Variants in THSD7A observed in about 807,000 individuals in gnomAD.
THSD7A encodes the protein thrombospondin type-1 domain-containing protein 7A.
THSD7A carries 96 observed loss-of-function variants against 231.3 expected under a neutral mutation model. The observed-to-expected ratio is 0.41, with a 90% CI of 0.35 to 0.49. The LOEUF is 0.49. Among genes scored for constraint, THSD7A ranks in the 20% least tolerant of loss-of-function variants. The pLI is 0.05. For synonymous variants in THSD7A, 940 were observed against 743.3 expected (o/e 1.26, Z -4.30); for missense variants, 2,290 against 2,070.2 (o/e 1.11, Z -2.06).
intron 1 of THSD7A, among the ~76,000 whole-genome samples, chr7:11,681,820 A>G (rs1783882340): frequency 6.6e-6 from 1 of 151,800 alleles, no homozygotes; most frequent in Admixed American, 6.6e-5. Context: ...AGAATTTCCA[A>G]TTTCAAATGA....
rs1020210258 is a variant in THSD7A at position 11,446,522 on chromosome 7, G to A, written c.2801-198C>T. Reference sequence around the variant, plus strand: ...CTGTTGGTATTGGGTGCTTTGCATAGTAAAATTTGTATTATTTTTTCAGAA... The same window carrying A: ...CTGTTGGTATTGGGTGCTTTGCATAATAAAATTTGTATTATTTTTTCAGAA... On this transcript the variant is annotated intron_variant, in intron 12 of 27. Coordinates refer to ENST00000423059, the MANE Select transcript of THSD7A (RefSeq NM_015204.3). This position sits in a 1 kb window ranked among gnomAD's most constrained non-coding sequence, Gnocchi z 4.0. Among the ~76,000 whole-genome samples, 6 of 152,022 alleles carry A rather than the reference G, an allele frequency of 3.9e-5. No homozygotes were observed. Among genetic ancestry groups the A allele is most frequent in the Non-Finnish European group, 8.8e-5 (6 of 68,004 alleles).
intron 1 of THSD7A, among the ~76,000 whole-genome samples, chr7:11,668,016 G>A (rs73676071): frequency 1.1e-3 from 162 of 152,308 alleles, no homozygotes; most frequent in African/African-American, 3.5e-3. Flanking sequence ...CCAGAAAGCT[G>A]AAGTGGTATT....
At chr7:11,575,086 T>C (rs760037026) in intron 4 of THSD7A, among the ~76,000 whole-genome samples, 10 of 152,132 alleles carry the variant, frequency 6.6e-5, no homozygotes, top group Non-Finnish European at 1.3e-4. Flanking sequence ...ATAGTGAGGG[T>C]CTCATAAGTA....
At chr7:11,530,249 G>C (rs138181332) in intron 6 of THSD7A, among the ~76,000 whole-genome samples, 103 of 152,240 alleles carry the variant, frequency 6.8e-4, no homozygotes, top group African/African-American at 2.3e-3. Context: ...TGAGTGTAAT[G>C]GAATTTGAAG....
chr7:11,482,094 T>TA (rs950083720), intron 6 of THSD7A, 112 bp from the exon 7 acceptor site: 25 of 1,198,820 alleles, frequency 2.1e-5, no homozygotes, highest in Middle Eastern at 2.0e-4. Context: ...TGCTCTTACT[T>TA]AAAAAAACGT....
At chr7:11,439,389 C>T (rs1784733035) in intron 13 of THSD7A, among the ~76,000 whole-genome samples, 1 of 151,908 alleles carries the variant, frequency 6.6e-6, no homozygotes, top group Non-Finnish European at 1.5e-5. Flanking sequence ...AGCATGTGTT[C>T]ACTTTGTGTC....
intron 1 of THSD7A, among the ~76,000 whole-genome samples, chr7:11,707,449 G>A (rs558057115): frequency 6.6e-6 from 1 of 150,964 alleles, no homozygotes; most frequent in Admixed American, 6.6e-5. Flanking sequence ...AACTCTGTTG[G>A]ATTTAGGAAT....
chr7:11,727,337 T>G (rs10499410), intron 1 of THSD7A, among the ~76,000 whole-genome samples: 52,618 of 151,654 alleles, frequency 0.35, 10,530 homozygotes, highest in Admixed American at 0.47. Context: ...CCATTTTACT[T>G]TTCATTCTAA....
At chr7:11,591,360 T>C (rs1248302025) in intron 3 of THSD7A, among the ~76,000 whole-genome samples, 2 of 152,130 alleles carry the variant, frequency 1.3e-5, no homozygotes, top group Non-Finnish European at 2.9e-5. Flanking sequence ...GGGAAATATT[T>C]CTCGATGCCA....
intron 7 of THSD7A, among the ~76,000 whole-genome samples, chr7:11,478,066 A>C (rs1277841358): frequency 3.3e-5 from 5 of 152,196 alleles, no homozygotes; most frequent in Non-Finnish European, 5.9e-5. Context: ...AGCAATAAAA[A>C]AACCAACTCT....
chr7:11,403,048 G>T (rs1269427858), intron 22 of THSD7A, among the ~76,000 whole-genome samples: 1 of 152,138 alleles, frequency 6.6e-6, no homozygotes, highest in Non-Finnish European at 1.5e-5. Flanking sequence ...AAGATTTTAT[G>T]AAATACACCC....
chr7:11,459,061 C>T (rs1785406695), intron 11 of THSD7A, among the ~76,000 whole-genome samples: 1 of 152,118 alleles, frequency 6.6e-6, no homozygotes, highest in Admixed American at 6.6e-5. Flanking sequence ...TCTTGTATTT[C>T]CTCCAGTGGT....
intron 6 of THSD7A, among the ~76,000 whole-genome samples, chr7:11,507,532 G>C (rs970111352): frequency 2.0e-5 from 3 of 150,404 alleles, no homozygotes; most frequent in Non-Finnish European, 4.4e-5. Flanking sequence ...TCCTTATTTA[G>C]GATTATTTAA....
intron 9 of THSD7A, 129 bp downstream of exon 9, chr7:11,469,750 G>A (rs966153761): frequency 1.7e-6 from 1 of 582,122 alleles, no homozygotes; most frequent in Admixed American, 3.1e-5. Context: ...AACATTTTAT[G>A]GCATGCATGT....
chr7:11,810,636 A>G (rs1430936519), intron 1 of THSD7A, among the ~76,000 whole-genome samples: 1 of 152,196 alleles, frequency 6.6e-6, no homozygotes, highest in Non-Finnish European at 1.5e-5. Context: ...AGAAATAGCC[A>G]ACACTTTGTC....
Position 11,411,559 on chromosome 7 carries a change from A to T in THSD7A, c.3683-237T>A, listed in dbSNP as rs1215690111. Among the ~76,000 whole-genome samples, 1 of 152,198 alleles carries T rather than the reference A, an allele frequency of 6.6e-6. No individual in the cohort carries two copies. Among genetic ancestry groups the T allele is most frequent in the Non-Finnish European group, 1.5e-5 (1 of 68,026 alleles). On this transcript the variant is annotated intron_variant, in intron 18 of 27. Transcript: ENST00000423059. This position sits in a 1 kb window ranked among gnomAD's most constrained non-coding sequence, Gnocchi z 4.1. The stretch of plus-strand genomic sequence containing the variant: ...CTTAAAGGCAGATGTCTACTTGAAA[A>T]TCTTGATAGCTAGCCGTTTGGTGAC...
At chr7:11,535,726 G>A (rs577709996) in intron 6 of THSD7A, among the ~76,000 whole-genome samples, 43 of 152,176 alleles carry the variant, frequency 2.8e-4, no homozygotes, top group African/African-American at 1.0e-3. Flanking sequence ...TCTACATAAT[G>A]GCCTTGTAAT....
chr7:11,753,792 G>C (rs975503084), intron 1 of THSD7A, among the ~76,000 whole-genome samples: 1 of 149,220 alleles, frequency 6.7e-6, no homozygotes, highest in Non-Finnish European at 1.5e-5. Context: ...GAGAGAGACA[G>C]AGAGAGAGAG....
At chr7:11,526,638 G>A (rs1042413839) in intron 6 of THSD7A, among the ~76,000 whole-genome samples, 7 of 152,150 alleles carry the variant, frequency 4.6e-5, no homozygotes, top group African/African-American at 1.4e-4. Flanking sequence ...AGCATGTAAT[G>A]CCTAGTATAC....
Sources: allele counts gnomAD v4.1 joint callset (sites outside exome capture counted in the v4.1 genomes callset), GRCh38; gene constraint gnomAD v4.1.1; non-coding constraint Gnocchi (gnomAD v3.1); transcripts MANE v1.5; gene names NCBI Gene and HGNC (gene_info 2026-07-23, HGNC 2026-07-21).